Variants in ARHGAP25 observed in about 807,000 individuals in gnomAD.
ARHGAP25 encodes the protein Rho GTPase activating protein 25.
In ARHGAP25, 34 loss-of-function variants were observed where a neutral mutation model predicts 71.0. The observed-to-expected ratio is 0.48, with a 90% CI of 0.36 to 0.64. ARHGAP25 has a LOEUF of 0.64. ARHGAP25 is among the 30% of genes least tolerant of loss of function. The probability of loss-of-function intolerance (pLI) is 0.00; values close to 1 mark genes in which losing one functional copy is unlikely to be tolerated. For synonymous variants in ARHGAP25, 282 were observed against 296.5 expected (o/e 0.95, Z 0.50); for missense variants, 706 against 805.1 (o/e 0.88, Z 1.49).
chr2:68,774,839 T>C (rs1677752983), intron 1 of ARHGAP25: 2 of 1,182,886 alleles, frequency 1.7e-6, no homozygotes, highest in Non-Finnish European at 2.1e-6. Flanking sequence ...CTCCTCTCTC[T>C]TGTCAGATAC....
chr2:68,802,163 C>A (rs1457617126), intron 4 of ARHGAP25, among the ~76,000 whole-genome samples: 1 of 152,144 alleles, frequency 6.6e-6, no homozygotes, highest in Non-Finnish European at 1.5e-5. Flanking sequence ...TAATCCAGCA[C>A]TTTGAGAGGC....
chr2:68,803,782 A>G (rs1022846727), intron 4 of ARHGAP25, among the ~76,000 whole-genome samples: 4 of 151,776 alleles, frequency 2.6e-5, no homozygotes, highest in Admixed American at 6.6e-5. Flanking sequence ...CAGGGACTGG[A>G]GATGAGGGAG....
At chr2:68,791,508 C>T (rs1049479317) in intron 4 of ARHGAP25, among the ~76,000 whole-genome samples, 4 of 151,740 alleles carry the variant, frequency 2.6e-5, no homozygotes, top group East Asian at 1.9e-4. Flanking sequence ...CCAAGTATGT[C>T]GGTGGTGAGT....
chr2:68,753,351 A>G (rs887026170), intron 1 of ARHGAP25, among the ~76,000 whole-genome samples: 1 of 152,226 alleles, frequency 6.6e-6, no homozygotes, highest in African/African-American at 2.4e-5. Flanking sequence ...ACTCCTGTGC[A>G]GGGTCTTTAA....
Position 68,826,294 on chromosome 2 carries a change from G to A in ARHGAP25, c.*100G>A, listed in dbSNP as rs756839576. On this transcript the variant is annotated 3_prime_UTR_variant, in exon 11 of 11. Transcript: ENST00000409202. Reference sequence around the variant, plus strand: ...GGGGAAACAAAATTATTCTCTGAGAGGGAAAGGACATTTGAGGGAAACATC... The same window carrying A: ...GGGGAAACAAAATTATTCTCTGAGAAGGAAAGGACATTTGAGGGAAACATC... 10 of 1,121,642 alleles carry A rather than the reference G, an allele frequency of 8.9e-6. No individual in the cohort carries two copies. In the South Asian group the frequency reaches 1.3e-4, roughly 14 times the overall value. The allele number at this position is 1,121,642 out of a possible 1,614,324, so 69.5% of individuals were successfully genotyped here.
intron 4 of ARHGAP25, among the ~76,000 whole-genome samples, chr2:68,796,440 G>C (rs1679544642): frequency 6.6e-6 from 1 of 152,072 alleles, no homozygotes; most frequent in Non-Finnish European, 1.5e-5. Flanking sequence ...ATTGATTTCT[G>C]CACATCTGAA....
rs146054138 is a variant in ARHGAP25, at chr2:68,762,984, T to G, written c.62-12237T>G. ...GAACTACCAGATGTCAGTGGCTGAA[T>G]CACAGGGAAAATACTGCATTCTGCA... On this transcript the variant is annotated intron_variant, in intron 1 of 10. Coordinates refer to ENST00000409202, the MANE Select transcript of ARHGAP25 (RefSeq NM_001007231.3). 3.1e-3 allele frequency among the ~76,000 whole-genome samples: 479 copies of G among 152,348 alleles called. 1 individual carries two copies. Among genetic ancestry groups the G allele is most frequent in the African/African-American group, 0.011 (456 of 41,578 alleles).
intron 4 of ARHGAP25, among the ~76,000 whole-genome samples, chr2:68,801,805 A>G (rs1419997663): frequency 6.6e-6 from 1 of 152,242 alleles, no homozygotes; most frequent in Non-Finnish European, 1.5e-5. Context: ...CTCTATGAGT[A>G]GAGGAAAGAG....
chr2:68,802,509 TA>T (rs1369226236), intron 4 of ARHGAP25, among the ~76,000 whole-genome samples: 1 of 152,066 alleles, frequency 6.6e-6, no homozygotes, highest in East Asian at 1.9e-4. Context: ...TTGGGTTAGT[TA>T]AGTGCAGGTA....
At chr2:68,755,519 A>G (rs72895927) in intron 1 of ARHGAP25, among the ~76,000 whole-genome samples, 4,769 of 152,316 alleles carry the variant, frequency 0.031, 256 homozygotes, top group African/African-American at 0.11. Context: ...CAATCCATCA[A>G]TCCCAGGTAT....
At position 68,770,509 on chromosome 2, in the gene ARHGAP25, C is replaced by T. The variant is rs369910003; in HGVS notation, c.62-4712C>T. Among the ~76,000 whole-genome samples the T allele has an allele frequency of 2.8e-4, 42 of 152,282 alleles. 1 individual carries two copies. In the South Asian group the frequency reaches 5.8e-3, roughly 21 times the overall value. On this transcript the variant is annotated intron_variant, in intron 1 of 10. Coordinates refer to ENST00000409202, the MANE Select transcript of ARHGAP25 (RefSeq NM_001007231.3). ...AGAGCAGATTATTTTGAGGGTTCAGCGGCAGAAGATGAAGAAAGGAAGTGA... is the reference window on the plus strand; with the variant it reads ...AGAGCAGATTATTTTGAGGGTTCAGTGGCAGAAGATGAAGAAAGGAAGTGA...
chr2:68,786,289 T>A (rs1558636819), intron 3 of ARHGAP25, among the ~76,000 whole-genome samples: 1 of 152,126 alleles, frequency 6.6e-6, no homozygotes, highest in East Asian at 1.9e-4. Flanking sequence ...TGAGGCATGG[T>A]GGAGACGGAG....
chr2:68,805,620 G>T lies in ARHGAP25; in HGVS notation c.467-1653G>T, dbSNP rs566212708. On this transcript the variant is annotated intron_variant, in intron 4 of 10. Transcript: ENST00000409202. ...GAAAGGCAAGCAGCAGGAGGGTTTC[G>T]AACATGATAGAGAGAAGAGACTGTA... Among the ~76,000 whole-genome samples, 3 of 152,122 alleles carry T rather than the reference G, an allele frequency of 2.0e-5. No homozygotes were observed. In the East Asian group the frequency reaches 5.8e-4, roughly 29 times the overall value.
chr2:68,825,861 AG>A, intron 10 of ARHGAP25, 125 bp from the exon 11 acceptor site: 1 of 746,058 alleles, frequency 1.3e-6, no homozygotes, highest in Admixed American at 2.9e-5. Context: ...AGAGGGACAT[AG>A]CTGAGAGGTT....
chr2:68,782,231 A>G lies in ARHGAP25; in HGVS notation c.262-2A>G. ...CTTAAGGCCTGACTTTTCATCTTTC[A>G]GGGCTGCATGTATCTACCAGGATGT... On this transcript the variant is annotated splice_acceptor_variant, in intron 2 of 10. Coordinates refer to ENST00000409202, the MANE Select transcript of ARHGAP25 (RefSeq NM_001007231.3). LOFTEE classifies it high-confidence loss of function. 6.2e-7 allele frequency: 1 copy of G among 1,613,754 alleles called. No homozygotes were observed. The highest frequency in any genetic ancestry group is 8.5e-7 in the Non-Finnish European group (1 of 1,179,796).
At chr2:68,807,635 G>C (rs1680471191) in intron 5 of ARHGAP25, among the ~76,000 whole-genome samples, 155 bp downstream of exon 5, 1 of 152,202 alleles carries the variant, frequency 6.6e-6, no homozygotes, top group African/African-American at 2.4e-5. Context: ...GCCCATGATT[G>C]GGAATTTGGG....
At chr2:68,757,917 AATTATT>A (rs1347615766) in intron 1 of ARHGAP25, among the ~76,000 whole-genome samples, 1 of 152,092 alleles carries the variant, frequency 6.6e-6, no homozygotes, top group Non-Finnish European at 1.5e-5. Flanking sequence ...AGACATGAAA[AATTATT>A]AGTATATAAA....
chr2:68,722,930 C>T (rs1483548807), intron 2 of ARHGAP25, among the ~76,000 whole-genome samples: 2 of 152,300 alleles, frequency 1.3e-5, no homozygotes, highest in East Asian at 3.9e-4. Context: ...GAGAGGTGCG[C>T]TAGGTCTGGA....
intron 1 of ARHGAP25, among the ~76,000 whole-genome samples, chr2:68,743,532 A>G (rs1024763489): frequency 2.0e-5 from 3 of 152,146 alleles, no homozygotes. Flanking sequence ...TTCCTCTTTG[A>G]CTGTCATTCT....
Sources: allele counts gnomAD v4.1 joint callset (sites outside exome capture counted in the v4.1 genomes callset), GRCh38; gene constraint gnomAD v4.1.1; transcripts MANE v1.5; gene names NCBI Gene and HGNC (gene_info 2026-07-23, HGNC 2026-07-21).